Variants in RBFOX1 observed in about 807,000 individuals in gnomAD.
RBFOX1 encodes RNA binding protein fox-1 homolog 1.
Under a neutral mutation model 57.7 loss-of-function variants are expected in RBFOX1, and 8 were observed. The ratio of observed to expected loss-of-function variants is 0.14; its 90% CI spans 0.08 to 0.25. RBFOX1 has a LOEUF of 0.25. Among genes scored for constraint, RBFOX1 ranks in the 10% least tolerant of loss-of-function variants. RBFOX1 has a pLI of 1.00. For missense variants in RBFOX1, 611 were observed against 548.5 expected, an observed-to-expected ratio of 1.11 and a Z score of -1.14; for synonymous variants, 326 against 222.4, an observed-to-expected ratio of 1.47 and a Z score of -4.15.
chr16:6,232,261 G>A (rs2097468128), intron 1 of RBFOX1, among the ~76,000 whole-genome samples: 1 of 152,212 alleles, frequency 6.6e-6, no homozygotes, highest in African/African-American at 2.4e-5. Flanking sequence ...GTCACACCAG[G>A]AGGGACCTCA....
intron 4 of RBFOX1, among the ~76,000 whole-genome samples, chr16:7,397,509 C>T (rs926319348): frequency 5.3e-5 from 8 of 152,158 alleles, no homozygotes; most frequent in Admixed American, 1.3e-4. Context: ...AAAGAACCCA[C>T]TGGTGACAGA....
chr16:5,963,881 C>T (rs1194523364), intron 4 of RBFOX1, among the ~76,000 whole-genome samples: 6 of 152,100 alleles, frequency 3.9e-5, no homozygotes, highest in African/African-American at 1.4e-4. Flanking sequence ...ACACAGGCAA[C>T]AAAAGCAAAA....
Position 7,579,844 on chromosome 16 carries a change from A to G in RBFOX1, c.338A>G (p.Lys113Arg), listed in dbSNP as rs1178867137. 3 of 1,613,972 alleles carry G rather than the reference A, an allele frequency of 1.9e-6. No individual in the cohort carries two copies. The highest frequency in any genetic ancestry group is 1.3e-5 in the African/African-American group (1 of 74,918). The part of the protein sequence containing the change: ...QTQPSENTEN[K>R]SQPKRLHVSN... ...CAACCTTCTGAAAACACGGAAAACA[A>G]GTCTCAGCCCAAGCGGCTGCATGTC... is the stretch of plus-strand genomic sequence containing the variant. The change falls in exon 6 of 16, where the codon AAG becomes AGG. Residue 113 changes from lysine to arginine, a missense_variant. By Grantham distance (26) the Lys-to-Arg change is conservative. Around this residue, in one of 3 missense-constraint regions of RBFOX1, gnomAD observed 245 missense variants for 159.1 expected, o/e 1.54. Coordinates refer to ENST00000550418, the MANE Select transcript of RBFOX1 (RefSeq NM_018723.4).
At chr16:5,539,631 A>C (rs192668179) in intron 2 of RBFOX1, among the ~76,000 whole-genome samples, 2 of 151,582 alleles carry the variant, frequency 1.3e-5, no homozygotes, top group Admixed American at 1.3e-4. Context: ...AAACAAAATG[A>C]CAACAACAAC....
chr16:6,055,457 GT>G (rs2095603007), intron 1 of RBFOX1, among the ~76,000 whole-genome samples: 1 of 151,912 alleles, frequency 6.6e-6, no homozygotes, highest in Non-Finnish European at 1.5e-5. Context: ...GCGAGGTGTT[GT>G]GGTGCGTGCC....
chr16:7,416,360 G>C (rs918975288), intron 4 of RBFOX1, among the ~76,000 whole-genome samples: 1 of 152,176 alleles, frequency 6.6e-6, no homozygotes, highest in Non-Finnish European at 1.5e-5. Context: ...AATTTGATCA[G>C]AATAGAGGTT....
At chr16:5,856,712 A>G (rs182157109) in intron 3 of RBFOX1, among the ~76,000 whole-genome samples, 16 of 150,888 alleles carry the variant, frequency 1.1e-4, no homozygotes, top group African/African-American at 3.9e-4. Context: ...CTCATGAGCC[A>G]GGCTCTGCTA....
intron 3 of RBFOX1, among the ~76,000 whole-genome samples, chr16:5,822,024 G>T (rs1466105509): frequency 6.6e-6 from 1 of 152,190 alleles, no homozygotes; most frequent in Non-Finnish European, 1.5e-5. Context: ...CTTAACGTAA[G>T]ATCTATCCTT....
rs1303323266 is a variant in RBFOX1 at position 6,627,313 on chromosome 16, T to C, written c.-63-27290T>C. 4.6e-5 allele frequency among the ~76,000 whole-genome samples: 7 copies of C among 152,180 alleles called. No individual in the cohort carries two copies. The South Asian group carries it at 1.2e-3, about 27-fold the overall frequency. Reference sequence around the variant, plus strand: ...TAGGTGTGCTTACCTGTTCTAGGTATACCTTACCTACTCTAGGTGAGCTTA... The same window carrying C: ...TAGGTGTGCTTACCTGTTCTAGGTACACCTTACCTACTCTAGGTGAGCTTA... On this transcript the variant is annotated intron_variant, in intron 2 of 15. Transcript: ENST00000550418.
At chr16:7,509,470 T>G (rs1304996923) in intron 4 of RBFOX1, among the ~76,000 whole-genome samples, 1 of 151,950 alleles carries the variant, frequency 6.6e-6, no homozygotes, top group African/African-American at 2.4e-5. Context: ...GTGATGTGAT[T>G]TTTAATTAGA....
chr16:6,507,502 CTG>C, intron 2 of RBFOX1, among the ~76,000 whole-genome samples: 1 of 21,438 alleles, frequency 4.7e-5, no homozygotes, highest in African/African-American at 2.0e-4. Context: ...AAGACCCTAT[CTG>C]TACAAAAAAA....
intron 2 of RBFOX1, among the ~76,000 whole-genome samples, chr16:6,471,972 A>G (rs905351468): frequency 6.6e-6 from 1 of 152,174 alleles, no homozygotes; most frequent in Non-Finnish European, 1.5e-5. Flanking sequence ...CTGGGGCCAA[A>G]CAGACTCCTG....
intron 2 of RBFOX1, among the ~76,000 whole-genome samples, chr16:6,491,470 T>C (rs2095631462): frequency 6.6e-6 from 1 of 152,174 alleles, no homozygotes. Flanking sequence ...GTTACATCAA[T>C]GTTATAAGTG....
intron 1 of RBFOX1, among the ~76,000 whole-genome samples, chr16:6,260,741 C>T (rs867815782): frequency 6.6e-6 from 1 of 151,878 alleles, no homozygotes; most frequent in African/African-American, 2.4e-5. Context: ...ATGAGCCAGG[C>T]GTGGTTGTGC....
At chr16:6,882,876 G>C (rs923040625) in intron 3 of RBFOX1, among the ~76,000 whole-genome samples, 2 of 152,062 alleles carry the variant, frequency 1.3e-5, no homozygotes, top group Non-Finnish European at 2.9e-5. Flanking sequence ...CCATCTTCCT[G>C]CTCTGTTCCT....
intron 1 of RBFOX1, among the ~76,000 whole-genome samples, chr16:5,372,910 C>T (rs139416728): frequency 1.7e-3 from 254 of 152,366 alleles, no homozygotes; most frequent in African/African-American, 5.9e-3. Flanking sequence ...ACTTCAGCTT[C>T]TCTTGGTCTT....
intron 4 of RBFOX1, among the ~76,000 whole-genome samples, chr16:7,144,297 C>G (rs547483434): frequency 1.6e-4 from 24 of 152,056 alleles, no homozygotes; most frequent in South Asian, 2.1e-4. Flanking sequence ...GATATATGCA[C>G]AAAGATAACA....
chr16:5,999,802 G>C (rs529289781), intron 4 of RBFOX1, among the ~76,000 whole-genome samples: 1 of 142,840 alleles, frequency 7.0e-6, no homozygotes, highest in Non-Finnish European at 1.5e-5. Context: ...CGGAGCTTGT[G>C]GTGAGCAGAG....
At chr16:6,696,187 C>G (rs1307737624) in intron 3 of RBFOX1, among the ~76,000 whole-genome samples, 1 of 152,162 alleles carries the variant, frequency 6.6e-6, no homozygotes, top group Non-Finnish European at 1.5e-5. Context: ...GAATAATACT[C>G]TCTAGTTGAT....
Sources: allele counts gnomAD v4.1 joint callset (sites outside exome capture counted in the v4.1 genomes callset), GRCh38; gene constraint gnomAD v4.1.1; regional missense constraint gnomAD v4.1.1; transcripts MANE v1.5; gene names NCBI Gene and HGNC (gene_info 2026-07-23, HGNC 2026-07-21).